PMS1: variants seen among roughly 807,000 people sequenced by gnomAD.
PMS1 encodes the protein PMS1 homolog 1, mismatch repair system component, also known as PMS1 protein homolog 1.
Under a neutral mutation model 93.1 loss-of-function variants are expected in PMS1, and 79 were observed. That is an observed-to-expected ratio of 0.85 (90% confidence interval 0.71 to 1.02). The LOEUF is 1.02. PMS1 is among the 50% of genes least tolerant of loss of function. The pLI, the probability that PMS1 is intolerant of heterozygous loss-of-function variation, is 0.00. For missense variants in PMS1, 1,064 were observed against 1,085.3 expected, an observed-to-expected ratio of 0.98 and a Z score of 0.28; for synonymous variants, 335 against 363.4, an observed-to-expected ratio of 0.92 and a Z score of 0.89.
chr2:189,826,009 T>C (rs1211971012), intron 5 of PMS1, among the ~76,000 whole-genome samples: 1 of 152,198 alleles, frequency 6.6e-6, no homozygotes, highest in African/African-American at 2.4e-5. Context: ...CAGTGAGTGG[T>C]GGCTGAAGAT....
Position 189,857,927 on chromosome 2 carries a change from G to T in PMS1, c.1856+2799G>T, listed in dbSNP as rs548309810. On this transcript the variant is annotated intron_variant, in intron 9 of 12. Coordinates refer to ENST00000441310, the MANE Select transcript of PMS1 (RefSeq NM_000534.5). ...AGGTTGGAGGAACAGTATATGAGAA[G>T]GCCCAGAAGCTAGAAGGAACATGGT... 2.0e-5 allele frequency among the ~76,000 whole-genome samples: 3 copies of T among 152,158 alleles called. No individual in the cohort carries two copies. In the East Asian group the frequency reaches 5.8e-4, roughly 29 times the overall value.
At chr2:189,819,133 A>C (rs2051597354) in intron 5 of PMS1, among the ~76,000 whole-genome samples, 1 of 152,238 alleles carries the variant, frequency 6.6e-6, no homozygotes, top group Admixed American at 6.5e-5. Context: ...CTTATAAGTG[A>C]AAACATGCAG....
intron 5 of PMS1, among the ~76,000 whole-genome samples, chr2:189,837,258 T>G (rs879777886): frequency 2.5e-4 from 38 of 151,864 alleles, no homozygotes; most frequent in Non-Finnish European, 5.0e-4. Context: ...CCTGAGTAGC[T>G]GGGACTACAG....
chr2:189,864,689 TATATATATATATATATATATATATATA>T (rs1559324723), intron 10 of PMS1, among the ~76,000 whole-genome samples: 1 of 5,368 alleles, frequency 1.9e-4, no homozygotes, highest in African/African-American at 7.1e-4. Flanking sequence ...AAAAAAAAAA[TATATATATATATATATATATATATATA>T]TATATATATA....
chr2:189,873,222 A>G (rs5743186), intron 11 of PMS1, among the ~76,000 whole-genome samples: 157 of 152,340 alleles, frequency 1.0e-3, no homozygotes, highest in African/African-American at 3.6e-3. Context: ...CTCCAAAGCA[A>G]GAAATGATCT....
At chr2:189,840,744 A>G (rs773996023) in intron 5 of PMS1, among the ~76,000 whole-genome samples, 14 of 152,230 alleles carry the variant, frequency 9.2e-5, no homozygotes, top group Admixed American at 3.9e-4. Context: ...ACCAAGAACT[A>G]TATTCTCAAA....
rs773464464 is a variant in PMS1 at position 189,795,865 on chromosome 2, AAAAT to A, written c.235_238del (p.Asn79ValfsTer8). ...AATGGCAATGAAGTACTACACCTCA[AAAAT>A]AAATAGTCATGAAGATCTTGAAAAT... is the stretch of plus-strand genomic sequence containing the variant. On this transcript the variant is annotated frameshift_variant, in exon 3 of 13. Coordinates refer to ENST00000441310, the MANE Select transcript of PMS1 (RefSeq NM_000534.5). LOFTEE classifies it high-confidence loss of function. 2.5e-6 allele frequency: 4 copies of A among 1,613,550 alleles called. No homozygotes were observed. Among genetic ancestry groups the A allele is most frequent in the Non-Finnish European group, 3.4e-6 (4 of 1,179,466 alleles).
At chr2:189,831,472 G>A (rs949356080) in intron 5 of PMS1, among the ~76,000 whole-genome samples, 1 of 152,204 alleles carries the variant, frequency 6.6e-6, no homozygotes, top group African/African-American at 2.4e-5. Flanking sequence ...TTATGAGGAA[G>A]AATCAATGGG....
chr2:189,847,010 C>T (rs1329459906), intron 6 of PMS1, among the ~76,000 whole-genome samples: 1 of 151,834 alleles, frequency 6.6e-6, no homozygotes, highest in Admixed American at 6.6e-5. Flanking sequence ...TGCAGGTGCG[C>T]ACCACCACAT....
intron 9 of PMS1, among the ~76,000 whole-genome samples, chr2:189,856,974 A>G (rs1213069748): frequency 6.6e-6 from 1 of 152,140 alleles, no homozygotes; most frequent in Admixed American, 6.6e-5. Context: ...ATTGCCATAA[A>G]GTAGACAAAA....
intron 3 of PMS1, 23 bp from the exon 4 acceptor site, chr2:189,805,629 T>C (rs1255373032): frequency 1.3e-6 from 2 of 1,554,284 alleles, no homozygotes; most frequent in African/African-American, 2.7e-5. Flanking sequence ...GTGTTAGTTT[T>C]ATTAGATGTT....
chr2:189,805,170 A>G (rs547122480), intron 3 of PMS1, among the ~76,000 whole-genome samples: 45 of 152,102 alleles, frequency 3.0e-4, no homozygotes, highest in African/African-American at 1.0e-3. Context: ...CTGTAAATAT[A>G]TATATAATTT....
At chr2:189,789,883 A>C (rs1398826897) in intron 1 of PMS1, among the ~76,000 whole-genome samples, 1 of 152,068 alleles carries the variant, frequency 6.6e-6, no homozygotes, top group Non-Finnish European at 1.5e-5. Context: ...TTTTCCTGTA[A>C]TCTTTTCTGA....
chr2:189,852,018 C>T (rs989421888), intron 6 of PMS1, among the ~76,000 whole-genome samples: 1 of 152,090 alleles, frequency 6.6e-6, no homozygotes, highest in Non-Finnish European at 1.5e-5. Context: ...TTTTCTCTTT[C>T]TTCTTTATAC....
At position 189,818,200 on chromosome 2, in the gene PMS1, T is replaced by C. The variant is rs764638936; in HGVS notation, c.582+20T>C. ...AACAAGGTAAACATTATTTTATCTT[T>C]ATAAGTTTCTGGGTATATGATATAA... On this transcript the variant is annotated intron_variant, in intron 5 of 12. Transcript: ENST00000441310. 3.4e-6 allele frequency: 5 copies of C among 1,476,542 alleles called. No individual in the cohort carries two copies. The Admixed American group carries it at 8.4e-5, about 25-fold the overall frequency. 91.5% of individuals were successfully genotyped at this position (1,476,542 alleles called of 1,614,324 possible).
rs1374638090 is a variant in PMS1, at chr2:189,863,957, A to C, written c.2071A>C (p.Ser691Arg). Residue 691 changes from serine (S) to arginine (R), a missense_variant, in exon 10 of 13, where the codon AGT (serine) becomes CGT (arginine). Ser to Arg is a moderately radical substitution (Grantham distance 110, BLOSUM62 -1). Coordinates refer to ENST00000441310, the MANE Select transcript of PMS1 (RefSeq NM_000534.5). Reference sequence around the variant, plus strand: ...TCAGTCCCAAATTGAAAAAAGAAGGAGTCAAAATATTAAAATGGTACAGAT... The same window carrying C: ...TCAGTCCCAAATTGAAAAAAGAAGGCGTCAAAATATTAAAATGGTACAGAT... ...LLQSQIEKRRSQNIKMVQIPF... is the reference protein window; with the variant it reads ...LLQSQIEKRRRQNIKMVQIPF... The C allele has an allele frequency of 2.5e-6, 4 of 1,609,622 alleles. No homozygotes were observed. Among genetic ancestry groups the C allele is most frequent in the Non-Finnish European group, 3.4e-6 (4 of 1,177,088 alleles).
chr2:189,867,979 T>A, intron 11 of PMS1, 50 bp downstream of exon 11: 1 of 1,461,770 alleles, frequency 6.8e-7, no homozygotes, highest in Non-Finnish European at 9.6e-7. Context: ...TTAGTCTTGT[T>A]CCAAGAGTTA....
At chr2:189,833,874 T>C (rs993640861) in intron 5 of PMS1, among the ~76,000 whole-genome samples, 3 of 152,208 alleles carry the variant, frequency 2.0e-5, no homozygotes, top group African/African-American at 2.4e-5. Flanking sequence ...GAAAAAATTA[T>C]AGAACTTTCA....
At chr2:189,838,515 A>G in intron 5 of PMS1, among the ~76,000 whole-genome samples, 1 of 152,026 alleles carries the variant, frequency 6.6e-6, no homozygotes, top group East Asian at 1.9e-4. Flanking sequence ...TATCTTGTTG[A>G]GTGTTACTAC....
Sources: allele counts gnomAD v4.1 joint callset (sites outside exome capture counted in the v4.1 genomes callset), GRCh38; gene constraint gnomAD v4.1.1; transcripts MANE v1.5; gene names NCBI Gene and HGNC (gene_info 2026-07-23, HGNC 2026-07-21).